The following BICD1 variants were observed in gnomAD, a reference collection of about 807,000 sequenced individuals.
BICD1 encodes BICD cargo adaptor 1.
In BICD1, 35 loss-of-function variants were observed where a neutral mutation model predicts 92.5. The observed-to-expected ratio is 0.38, with a 90% confidence interval of 0.29 to 0.50. BICD1 has a LOEUF of 0.50. Among genes scored for constraint, BICD1 ranks in the 20% least tolerant of loss-of-function variants. The probability of loss-of-function intolerance (pLI) is 0.93; values close to 1 mark genes in which losing one functional copy is unlikely to be tolerated. For missense variants in BICD1, 950 were observed against 1,189.8 expected (o/e 0.80, Z 2.97); for synonymous variants, 429 against 465.1 (o/e 0.92, Z 1.00).
Position 32,305,937 on chromosome 12 carries a change from G to A in BICD1, c.820G>A (p.Glu274Lys). The change falls in exon 4 of 10, where the codon GAG (glutamate) becomes AAG (lysine). Residue 274 changes from glutamate to lysine, a missense_variant. By Grantham distance (56) the Glu-to-Lys change is moderately conservative (BLOSUM62 1). This residue lies in a region of BICD1 where 246 missense variants were observed against 258.4 expected (regional missense o/e 0.95). Transcript: ENST00000652176. ...SISVDGLKFA[E>K]DGSEPNNDDK... ...CTCAGTAGATGGACTCAAATTTGCC[G>A]AGGATGGGAGTGAACCAAACAATGA... The A allele has an allele frequency of 6.2e-7, 1 of 1,614,194 alleles. No homozygotes were observed. Among genetic ancestry groups the A allele is most frequent in the South Asian group, 1.1e-5 (1 of 91,086 alleles).
chr12:32,319,230 T>C (rs2136241082), intron 4 of BICD1, among the ~76,000 whole-genome samples: 1 of 152,360 alleles, frequency 6.6e-6, no homozygotes, highest in East Asian at 1.9e-4. Flanking sequence ...GGGTGTTTCA[T>C]AGATGCCCTT....
intron 9 of BICD1, among the ~76,000 whole-genome samples, chr12:32,368,590 G>C (rs1284906465): frequency 6.6e-6 from 1 of 152,136 alleles, no homozygotes; most frequent in African/African-American, 2.4e-5. Context: ...ACCTACTCAG[G>C]AGGCTGAGGC....
intron 4 of BICD1, among the ~76,000 whole-genome samples, chr12:32,326,416 A>G (rs377599372): frequency 6.6e-6 from 1 of 152,258 alleles, no homozygotes; most frequent in East Asian, 1.9e-4. Flanking sequence ...TTAATGAGAC[A>G]GTATTTTATA....
chr12:32,236,679 A>G (rs1946082737), intron 2 of BICD1, among the ~76,000 whole-genome samples: 2 of 152,200 alleles, frequency 1.3e-5, no homozygotes, highest in South Asian at 4.1e-4. Flanking sequence ...GTCAAAAGCT[A>G]GGCCTATTGT....
Position 32,298,987 on chromosome 12 carries a change from T to C in BICD1, c.579+4841T>C, listed in dbSNP as rs1407079993. On this transcript the variant is annotated intron_variant, in intron 3 of 9. Transcript: ENST00000652176. ...TCAGGGGTATCTCTCTATGAGATCA[T>C]GTACTTTTTAGAGACAAAAGATACA... is the stretch of plus-strand genomic sequence containing the variant. 5.3e-5 allele frequency among the ~76,000 whole-genome samples: 8 copies of C among 152,194 alleles called. No homozygotes were observed. The East Asian group carries it at 1.5e-3, about 29-fold the overall frequency.
At chr12:32,124,186 T>C (rs1441068283) in intron 1 of BICD1, among the ~76,000 whole-genome samples, 1 of 152,264 alleles carries the variant, frequency 6.6e-6, no homozygotes, top group Non-Finnish European at 1.5e-5. Flanking sequence ...ATGTCTGTTA[T>C]TCATTTATTT....
intron 1 of BICD1, among the ~76,000 whole-genome samples, chr12:32,188,960 T>C (rs958436717): frequency 2.0e-5 from 3 of 152,208 alleles, no homozygotes; most frequent in South Asian, 2.1e-4. Context: ...TCCTGAATTC[T>C]TAAATAACCA....
chr12:32,193,301 G>A (rs2121531852), intron 1 of BICD1, among the ~76,000 whole-genome samples: 1 of 152,314 alleles, frequency 6.6e-6, no homozygotes, highest in African/African-American at 2.4e-5. Flanking sequence ...ACTCACTGAA[G>A]ACTTAGATGA....
chr12:32,302,911 C>A (rs1298653160), intron 3 of BICD1, among the ~76,000 whole-genome samples: 1 of 112,976 alleles, frequency 8.9e-6, no homozygotes, highest in Admixed American at 9.4e-5. Context: ...TTAGAGGCAT[C>A]TTTTGTACAT....
At chr12:32,159,148 G>A (rs918159376) in intron 1 of BICD1, among the ~76,000 whole-genome samples, 1 of 152,082 alleles carries the variant, frequency 6.6e-6, no homozygotes, top group Non-Finnish European at 1.5e-5. Context: ...TGGCTAGGCT[G>A]GTCTCGAACT....
Position 32,377,656 on chromosome 12 carries a change from G to A in BICD1, c.*29G>A. 6.3e-7 allele frequency: 1 copy of A among 1,585,974 alleles called. No individual in the cohort carries two copies. The highest frequency in any genetic ancestry group is 8.7e-7 in the Non-Finnish European group (1 of 1,154,604). On this transcript the variant is annotated 3_prime_UTR_variant, in exon 10 of 10. Coordinates refer to ENST00000652176, the MANE Select transcript of BICD1 (RefSeq NM_001714.4). ...TCATCTCCTGTGGACGAACATCTGG[G>A]GTGGAAGTTTTGTAGCCACACACAG... is the stretch of plus-strand genomic sequence containing the variant.
chr12:32,116,496 CTCTCTCTCTCTCTCTA>C (rs1565525015), intron 1 of BICD1, among the ~76,000 whole-genome samples: 111 of 67,552 alleles, frequency 1.6e-3, no homozygotes, highest in African/African-American at 6.0e-3. Context: ...CTCTCTTTCT[CTCTCTCTCTCTCTCTA>C]TATATATATA....
intron 3 of BICD1, among the ~76,000 whole-genome samples, chr12:32,294,450 C>A (rs755092757): frequency 6.6e-6 from 1 of 151,842 alleles, no homozygotes; most frequent in Non-Finnish European, 1.5e-5. Flanking sequence ...AACCTGACAA[C>A]TTCTCATTAA....
At chr12:32,116,510 C>CTCTATATATATATATATATATATA (rs1233964108) in intron 1 of BICD1, among the ~76,000 whole-genome samples, 1 of 104,372 alleles carries the variant, frequency 9.6e-6, no homozygotes, top group Admixed American at 1.1e-4. Context: ...CTCTCTCTCT[C>CTCTATATATATATATATATATATA]TATATATATA....
At chr12:32,261,941 G>A (rs1391032007) in intron 2 of BICD1, among the ~76,000 whole-genome samples, 2 of 152,228 alleles carry the variant, frequency 1.3e-5, no homozygotes, top group East Asian at 3.8e-4. Context: ...GGAGCTCTCA[G>A]AAATAATTGT....
chr12:32,326,724 A>G (rs969742157), intron 4 of BICD1, among the ~76,000 whole-genome samples: 3 of 152,120 alleles, frequency 2.0e-5, no homozygotes, highest in African/African-American at 7.2e-5. Context: ...GTCTCTACAC[A>G]CACACAAAAT....
chr12:32,216,645 T>A (rs781309229), intron 2 of BICD1, among the ~76,000 whole-genome samples, 186 bp downstream of exon 2: 12 of 152,188 alleles, frequency 7.9e-5, no homozygotes, highest in Non-Finnish European at 1.8e-4. Context: ...GAGATGAGCT[T>A]TTCTCTCTTT....
At chr12:32,285,995 C>T (rs1021547867) in intron 2 of BICD1, among the ~76,000 whole-genome samples, 3 of 152,086 alleles carry the variant, frequency 2.0e-5, no homozygotes, top group Non-Finnish European at 2.9e-5. Context: ...TAAATAAGAC[C>T]AGTTTTCTTC....
chr12:32,156,989 C>T (rs901170666), intron 1 of BICD1, among the ~76,000 whole-genome samples: 5 of 152,098 alleles, frequency 3.3e-5, no homozygotes, highest in African/African-American at 1.2e-4. Context: ...TAAGCATATA[C>T]TAAATGAGTT....
Sources: gnomAD v4.1 joint callset for allele counts (sites outside exome capture counted in the v4.1 genomes callset) on GRCh38, gnomAD v4.1.1 for gene constraint, gnomAD v4.1.1 regional missense constraint, MANE v1.5 for transcripts, NCBI Gene and HGNC (gene_info 2026-07-23, HGNC 2026-07-21) for gene names.